Variants in RTL4 observed in about 807,000 individuals in gnomAD.
The protein encoded by RTL4 is retrotransposon Gag like 4.
In RTL4, 4 loss-of-function variants were observed where a neutral mutation model predicts 5.3. The ratio of observed to expected loss-of-function variants is 0.75; its 90% CI spans 0.37 to 1.72. RTL4 has a LOEUF of 1.72. Ranked by LOEUF, RTL4 falls within the 40% of genes most tolerant of loss-of-function variation. RTL4 has a pLI of 0.04. For missense variants in RTL4, 260 were observed against 227.1 expected (o/e 1.14, Z -0.93); for synonymous variants, 98 against 87.3 (o/e 1.12, Z -0.68).
At chrX:112,157,332 G>A in the RTL4 span, among the ~76,000 whole-genome samples, 2 of 110,786 alleles carry the variant, frequency 1.8e-5, no homozygotes, top group Non-Finnish European at 3.8e-5. Flanking sequence ...TAAGATGTTT[G>A]GCCTAAATGA....
chrX:112,089,115 T>A, the RTL4 span, among the ~76,000 whole-genome samples: 4 of 111,149 alleles, frequency 3.6e-5, no homozygotes, highest in Admixed American at 9.6e-5. Context: ...TTTTTCTTTT[T>A]TTATTATTAT....
chrX:112,122,212 A>AAATGTAGT, the RTL4 span, among the ~76,000 whole-genome samples: 2 of 111,994 alleles, frequency 1.8e-5, no homozygotes, highest in Non-Finnish European at 3.8e-5. Context: ...TGGATAAAGA[A>AAATGTAGT]AATGTAGTAC....
chrX:112,208,980 G>A, the RTL4 span, among the ~76,000 whole-genome samples: 1 of 112,331 alleles, frequency 8.9e-6, no homozygotes, highest in Non-Finnish European at 1.9e-5. Context: ...CTTGGTGGGT[G>A]GAAGTCCATG....
chrX:112,328,772 A>G, the RTL4 span, among the ~76,000 whole-genome samples: 1 of 112,011 alleles, frequency 8.9e-6, no homozygotes, highest in African/African-American at 3.2e-5. Flanking sequence ...AGTTCCCCTC[A>G]GCAAATGTGA....
chrX:112,449,088 C>G, the RTL4 span, among the ~76,000 whole-genome samples: 2 of 112,051 alleles, frequency 1.8e-5, no homozygotes, highest in East Asian at 2.8e-4. Context: ...AAGATTGAAG[C>G]TTAAAGGAAG....
At chrX:112,155,209 C>G in the RTL4 span, among the ~76,000 whole-genome samples, 3 of 110,142 alleles carry the variant, frequency 2.7e-5, no homozygotes, top group African/African-American at 9.9e-5. Context: ...CACAAGGGGA[C>G]TATGAAAATG....
the RTL4 span, among the ~76,000 whole-genome samples, chrX:112,430,276 A>C: frequency 1.8e-5 from 2 of 110,184 alleles, no homozygotes; most frequent in African/African-American, 6.6e-5. Context: ...CAAATTGAGA[A>C]GTTTCTATTA....
At chrX:112,178,370 AT>A in the RTL4 span, among the ~76,000 whole-genome samples, 1 of 97,765 alleles carries the variant, frequency 1.0e-5, no homozygotes, top group Middle Eastern at 5.2e-3. Context: ...GGAATCCTGC[AT>A]TGGACCGTGA....
the RTL4 span, among the ~76,000 whole-genome samples, chrX:112,442,912 A>G: frequency 8.9e-6 from 1 of 112,162 alleles, no homozygotes; most frequent in Non-Finnish European, 1.9e-5. Flanking sequence ...GTTACAAACA[A>G]TGCAATTATA....
the RTL4 span, among the ~76,000 whole-genome samples, chrX:112,085,938 C>T: frequency 5.4e-5 from 6 of 111,659 alleles, no homozygotes; most frequent in African/African-American, 2.0e-4. Context: ...TGGTTACCAT[C>T]AAATTCTTGT....
the RTL4 span, among the ~76,000 whole-genome samples, chrX:112,130,325 T>C: frequency 9.3e-6 from 1 of 107,946 alleles, no homozygotes; most frequent in Non-Finnish European, 1.9e-5. Flanking sequence ...ATGCCATTAG[T>C]GTAGATAGAC....
At chrX:112,393,224 A>C in the RTL4 span, among the ~76,000 whole-genome samples, 1 of 92,868 alleles carries the variant, frequency 1.1e-5, no homozygotes, top group African/African-American at 4.3e-5. Context: ...ACGAGGCTGG[A>C]GTGCAGTGGC....
At chrX:112,179,905 G>T in the RTL4 span, among the ~76,000 whole-genome samples, 1 of 111,754 alleles carries the variant, frequency 8.9e-6, no homozygotes, top group African/African-American at 3.2e-5. Flanking sequence ...TAGTGCTAGG[G>T]TAGAAGCATT....
the RTL4 span, among the ~76,000 whole-genome samples, chrX:112,403,623 TGCTCCTGATATTTATC>T: frequency 2.3e-4 from 26 of 112,213 alleles, no homozygotes; most frequent in South Asian, 3.7e-4. Context: ...CTGCCTCCAG[TGCTCCTGATATTTATC>T]GCTCCTGATA....
chrX:112,161,844 C>CCTTT, the RTL4 span, among the ~76,000 whole-genome samples: 14 of 40,075 alleles, frequency 3.5e-4, no homozygotes, highest in African/African-American at 9.4e-4. Flanking sequence ...TTCCTTCCTT[C>CCTTT]CTTTCTTTCT....
the RTL4 span, among the ~76,000 whole-genome samples, chrX:112,094,417 G>A: frequency 0.024 from 2,647 of 110,910 alleles, 34 homozygotes; most frequent in Non-Finnish European, 0.035. Flanking sequence ...AGTATAAGAT[G>A]TGAGACATCC....
At chrX:112,270,623 C>G in the RTL4 span, among the ~76,000 whole-genome samples, 5 of 111,101 alleles carry the variant, frequency 4.5e-5, no homozygotes, top group Non-Finnish European at 9.4e-5. Context: ...TCTTTTCTGT[C>G]TTTTCAGTGC....
chrX:112,344,201 A>T, the RTL4 span, among the ~76,000 whole-genome samples: 2 of 111,038 alleles, frequency 1.8e-5, no homozygotes, highest in African/African-American at 6.7e-5. Flanking sequence ...CAAACTTTCC[A>T]GTTAATCCAC....
At chrX:112,232,197 G>A in the RTL4 span, among the ~76,000 whole-genome samples, 2 of 111,282 alleles carry the variant, frequency 1.8e-5, no homozygotes, top group African/African-American at 6.5e-5. Context: ...GCAAAGAGTC[G>A]TATCTGGTAT....
Sources: gnomAD v4.1 joint callset for allele counts (sites outside exome capture counted in the v4.1 genomes callset) on GRCh38, gnomAD v4.1.1 for gene constraint, MANE v1.5 for transcripts, NCBI Gene and HGNC (gene_info 2026-07-23, HGNC 2026-07-21) for gene names.